Variants in PIK3C2G observed in about 807,000 individuals in gnomAD.
The protein encoded by PIK3C2G is phosphatidylinositol 3-kinase C2 domain-containing subunit gamma.
A neutral mutation model predicts 181.1 loss-of-function variants in PIK3C2G; 168 were observed. The ratio of observed to expected loss-of-function variants is 0.93; its 90% CI spans 0.82 to 1.05. The LOEUF (loss-of-function observed/expected upper bound fraction) is 1.05. Among genes scored for constraint, PIK3C2G ranks in the 50% least tolerant of loss-of-function variants. PIK3C2G has a pLI of 0.00. For synonymous variants in PIK3C2G, 573 were observed against 592.2 expected, an observed-to-expected ratio of 0.97 and a Z score of 0.47; for missense variants, 1,869 against 1,732.8, an observed-to-expected ratio of 1.08 and a Z score of -1.40.
At chr12:18,715,410 G>A in the PIK3C2G span, among the ~76,000 whole-genome samples, 1 of 146,850 alleles carries the variant, frequency 6.8e-6, no homozygotes, top group Non-Finnish European at 1.5e-5. Context: ...TTTTTTTTTT[G>A]TTTTTTTTAG....
At chr12:18,378,637 C>G (rs906151118) in intron 13 of PIK3C2G, among the ~76,000 whole-genome samples, 2 of 152,146 alleles carry the variant, frequency 1.3e-5, no homozygotes, top group Non-Finnish European at 2.9e-5. Context: ...GGGCTAATAT[C>G]CAGAATCTAC....
rs941521146 is a variant in PIK3C2G at position 18,560,061 on chromosome 12, C to A, written c.3591-2642C>A. ...GGTTTCACTGGTCTCAAACTCCTGA[C>A]CTCAGGTGATCCACCGGCCTCTGCC... is the stretch of plus-strand genomic sequence containing the variant. On this transcript the variant is annotated intron_variant, in intron 26 of 32. Transcript: ENST00000538779. 2.6e-5 allele frequency among the ~76,000 whole-genome samples: 4 copies of A among 151,216 alleles called. No homozygotes were observed. In the South Asian group the frequency reaches 6.3e-4, roughly 24 times the overall value.
rs1941120878 is a variant in PIK3C2G at position 18,497,605 on chromosome 12, T to G, written c.2887-14T>G. On this transcript the variant is annotated splice_polypyrimidine_tract_variant and intron_variant, in intron 21 of 32. Coordinates refer to ENST00000538779, the MANE Select transcript of PIK3C2G (RefSeq NM_001288772.2). ...CAAGGAAAAACCCAGGGTCTATAAT[T>G]TTGTTTTTAACAGGCTGGAGATGAT... is the stretch of plus-strand genomic sequence containing the variant. 6.2e-7 allele frequency: 1 copy of G among 1,604,948 alleles called. No individual in the cohort carries two copies. Among genetic ancestry groups the G allele is most frequent in the Non-Finnish European group, 8.5e-7 (1 of 1,174,668 alleles).
At chr12:18,313,820 ACACACACACG>A (rs1024614592) in intron 5 of PIK3C2G, 132 bp from the exon 6 acceptor site, 12 of 541,962 alleles carry the variant, frequency 2.2e-5, no homozygotes, top group East Asian at 1.6e-4. Flanking sequence ...ACACACACAC[ACACACACACG>A]CACACACACG....
chr12:18,400,638 C>T (rs144383825), intron 16 of PIK3C2G, among the ~76,000 whole-genome samples: 237 of 151,998 alleles, frequency 1.6e-3, no homozygotes, highest in African/African-American at 5.6e-3. Context: ...TTCATGTAAC[C>T]TAAACTGACT....
At chr12:18,514,126 CAT>C (rs1379820268) in intron 24 of PIK3C2G, among the ~76,000 whole-genome samples, 1 of 151,760 alleles carries the variant, frequency 6.6e-6, no homozygotes, top group African/African-American at 2.4e-5. Context: ...TTAATTTCCA[CAT>C]AGTTGAGTAT....
At chr12:18,321,103 T>C in intron 7 of PIK3C2G, 71 bp downstream of exon 7, 1 of 836,722 alleles carries the variant, frequency 1.2e-6, no homozygotes, top group South Asian at 1.6e-5. Context: ...TCAGTATTTT[T>C]CAGTTGATTG....
At chr12:18,711,119 G>T in the PIK3C2G span, among the ~76,000 whole-genome samples, 1 of 151,846 alleles carries the variant, frequency 6.6e-6, no homozygotes, top group African/African-American at 2.4e-5. Context: ...CAATAGCAAA[G>T]AATTGGAACC....
At chr12:18,602,843 A>G (rs887424525) in intron 30 of PIK3C2G, among the ~76,000 whole-genome samples, 1 of 152,128 alleles carries the variant, frequency 6.6e-6, no homozygotes, top group African/African-American at 2.4e-5. Flanking sequence ...ACATCAAGGA[A>G]CACCCCATGG....
intron 8 of PIK3C2G, among the ~76,000 whole-genome samples, chr12:18,336,598 G>A (rs1395482624): frequency 6.6e-6 from 1 of 152,006 alleles, no homozygotes; most frequent in African/African-American, 2.4e-5. Flanking sequence ...TCACAATATT[G>A]ACTTACATTG....
chr12:18,268,052 C>G (rs1476499547), intron 1 of PIK3C2G, among the ~76,000 whole-genome samples: 3 of 152,202 alleles, frequency 2.0e-5, no homozygotes, highest in Admixed American at 6.5e-5. Context: ...GACCCTATAT[C>G]TCCCAATTCA....
At chr12:18,641,150 G>T (rs1949819584) in intron 32 of PIK3C2G, among the ~76,000 whole-genome samples, 1 of 151,766 alleles carries the variant, frequency 6.6e-6, no homozygotes. Context: ...TCATCCACAG[G>T]ATCCTCCACT....
intron 16 of PIK3C2G, among the ~76,000 whole-genome samples, chr12:18,408,415 G>T (rs990125233): frequency 5.3e-5 from 8 of 152,056 alleles, no homozygotes; most frequent in Non-Finnish European, 2.9e-5. Context: ...CTGTTCCATT[G>T]GTCTTTATAT....
Position 18,488,607 on chromosome 12 carries a change from C to A in PIK3C2G, c.2663C>A (p.Ser888Tyr). The A allele has an allele frequency of 1.3e-6, 2 of 1,539,908 alleles. No individual in the cohort carries two copies. The highest frequency in any genetic ancestry group is 2.1e-5 in the Admixed American group (1 of 48,454). ...ILGDIGERVKSASDHQRQEVL... is the reference protein window; with the variant it reads ...ILGDIGERVKYASDHQRQEVL... The stretch of plus-strand genomic sequence containing the variant: ...GGAGATATTGGGGAAAGAGTCAAGT[C>A]TGCCAGTGACCATCAAAGACAGGTT... Residue 888 changes from serine to tyrosine, a missense_variant, in exon 19 of 33, where the codon TCT (serine) becomes TAT (tyrosine). Transcript: ENST00000538779.
rs11525554 is a variant in PIK3C2G, at chr12:18,513,765, C to G, written c.3323+8304C>G. ...TACAAAATGCAAACCATCTAGTAAA[C>G]GGTTTGTATTTTGTATTTTGTTTAT... On this transcript the variant is annotated intron_variant, in intron 24 of 32. Transcript: ENST00000538779. 5.9e-3 allele frequency among the ~76,000 whole-genome samples: 890 copies of G among 151,542 alleles called. 36 individuals carry two copies. The highest frequency in any genetic ancestry group is 0.04 in the Admixed American group (606 of 15,190).
intron 8 of PIK3C2G, among the ~76,000 whole-genome samples, chr12:18,327,564 T>C (rs960279612): frequency 1.2e-4 from 19 of 152,092 alleles, no homozygotes; most frequent in African/African-American, 4.6e-4. Flanking sequence ...GGCTATTATG[T>C]CAAATGGCTA....
the PIK3C2G span, among the ~76,000 whole-genome samples, chr12:18,719,913 A>G: frequency 6.6e-6 from 1 of 152,088 alleles, no homozygotes; most frequent in Non-Finnish European, 1.5e-5. Flanking sequence ...ATTATGGACC[A>G]ATGAACTTCG....
At chr12:18,528,662 T>C (rs1413380559) in intron 24 of PIK3C2G, among the ~76,000 whole-genome samples, 1 of 152,202 alleles carries the variant, frequency 6.6e-6, no homozygotes, top group Non-Finnish European at 1.5e-5. Flanking sequence ...CTAATTCTAC[T>C]ATCACGAATT....
chr12:18,376,427 T>C (rs1942442678), intron 13 of PIK3C2G, among the ~76,000 whole-genome samples: 2 of 152,230 alleles, frequency 1.3e-5, no homozygotes, highest in South Asian at 4.1e-4. Context: ...CCTCATTTTA[T>C]CTTGGAAGTA....
Sources: gnomAD v4.1 joint callset for allele counts (sites outside exome capture counted in the v4.1 genomes callset) on GRCh38, gnomAD v4.1.1 for gene constraint, MANE v1.5 for transcripts, NCBI Gene and HGNC (gene_info 2026-07-23, HGNC 2026-07-21) for gene names.